Variants in ITGB2 observed in about 807,000 individuals in gnomAD.
ITGB2 encodes integrin beta-2.
In ITGB2, 56 loss-of-function variants were observed where a neutral mutation model predicts 86.8. The ratio of observed to expected loss-of-function variants is 0.65; its 90% CI spans 0.52 to 0.81. The LOEUF is 0.81. Among genes scored for constraint, ITGB2 ranks in the 30% least tolerant of loss-of-function variants. The pLI, the probability that ITGB2 is intolerant of heterozygous loss-of-function variation, is 0.00. For missense variants in ITGB2, 948 were observed against 1,061.2 expected (o/e 0.89, Z 1.48); for synonymous variants, 457 against 450.4 (o/e 1.01, Z -0.19).
intron 1 of ITGB2, among the ~76,000 whole-genome samples, chr21:44,927,451 C>T (rs951179627): frequency 2.0e-5 from 3 of 152,048 alleles, no homozygotes; most frequent in Non-Finnish European, 2.9e-5. Flanking sequence ...AGCACCCCCA[C>T]GAGGACCCTG....
chr21:44,886,524 C>A, intron 15 of ITGB2, 94 bp from the exon 16 acceptor site: 1 of 1,476,720 alleles, frequency 6.8e-7, no homozygotes, highest in Non-Finnish European at 9.5e-7. Context: ...GAAGCCGTCA[C>A]TTTGAGGAAG....
rs201739251 is a variant in ITGB2, at chr21:44,891,842, T to C, written c.1379A>G (p.His460Arg). 5.6e-6 allele frequency: 9 copies of C among 1,609,860 alleles called. No individual in the cohort carries two copies. The highest frequency in any genetic ancestry group is 2.2e-5 in the South Asian group (2 of 91,086). The change falls in exon 11 of 16, where the codon CAT becomes CGT. Residue 460 changes from histidine (H) to arginine (R), a missense_variant. By Grantham distance (29) the His-to-Arg change is conservative. Coordinates refer to ENST00000652462, the MANE Select transcript of ITGB2 (RefSeq NM_000211.5). ...GCCGCACTCCAAGAAGCCCTTGCCA[T>C]GGCAGAGGCTGCGGTCTCTGCTCTG... The part of the protein sequence containing the change: ...RDQSRDRSLC[H>R]GKGFLECGIC...
At chr21:44,925,435 G>T (rs1006127784), upstream of ITGB2, among the ~76,000 whole-genome samples, 1 of 134,494 alleles carries the variant, frequency 7.4e-6, no homozygotes, top group Non-Finnish European at 1.6e-5. Context: ...AAGGAAGGAA[G>T]GAAGGAAGGA....
At chr21:44,909,112 C>T (rs554983262) in intron 3 of ITGB2, among the ~76,000 whole-genome samples, 60 of 152,324 alleles carry the variant, frequency 3.9e-4, no homozygotes, top group East Asian at 5.8e-4. Flanking sequence ...CGGGGACCTC[C>T]GCGGATGCTG....
rs1286471822 is a variant in ITGB2, at chr21:44,888,914, G to C, written c.1878-19C>G. 3.8e-6 allele frequency: 6 copies of C among 1,599,970 alleles called. No individual in the cohort carries two copies. The highest frequency in any genetic ancestry group is 4.2e-6 in the Non-Finnish European group (5 of 1,179,260). ...GCAGGAGCTGCGGGGAGCCAGGTGT[G>C]AGCATCGGTGCCAGGGTGTGCGGGG... On this transcript the variant is annotated intron_variant, in intron 13 of 15. Coordinates refer to ENST00000652462, the MANE Select transcript of ITGB2 (RefSeq NM_000211.5).
chr21:44,916,760 C>T lies in ITGB2; in HGVS notation c.-4+4061G>A, dbSNP rs541774830. 2.0e-4 allele frequency among the ~76,000 whole-genome samples: 31 copies of T among 151,504 alleles called. 1 individual carries two copies. The highest frequency in any genetic ancestry group is 6.1e-4 in the African/African-American group (25 of 41,252). On this transcript the variant is annotated intron_variant, in intron 1 of 15. Coordinates refer to ENST00000652462, the MANE Select transcript of ITGB2 (RefSeq NM_000211.5). ...GCGGGCGCCTGTAATCCCAGCTACT[C>T]GCGAGGCTGAGGCAGGAGAATCACT...
rs530321308 is a variant in ITGB2, at chr21:44,900,962, G to A, written c.742-487C>T. Among the ~76,000 whole-genome samples, 24 of 152,336 alleles carry A rather than the reference G, an allele frequency of 1.6e-4. No homozygotes were observed. The South Asian group carries it at 2.1e-3, about 13-fold the overall frequency. ...TCACACTCGTGAGCAGTGTGTCTGC[G>A]CTGGGACTGCAGGGAAGCAGGAGAG... On this transcript the variant is annotated intron_variant, in intron 6 of 15. Transcript: ENST00000652462.
intron 8 of ITGB2, among the ~76,000 whole-genome samples, chr21:44,896,205 G>A (rs77033838): frequency 0.018 from 2,781 of 152,356 alleles, 43 homozygotes; most frequent in Non-Finnish European, 0.028. Flanking sequence ...GACGTGCATG[G>A]TGGCCAGTGT....
Position 44,918,392 on chromosome 21 carries a change from C to A in ITGB2, c.-4+2429G>T, listed in dbSNP as rs138404384. ...CCCACAGCCCTGGTACCTGGTGGGG[C>A]CCGGCCTGGGCCAGAGTGGACAGAC... On this transcript the variant is annotated intron_variant, in intron 1 of 15. Coordinates refer to ENST00000652462, the MANE Select transcript of ITGB2 (RefSeq NM_000211.5). 6.6e-3 allele frequency among the ~76,000 whole-genome samples: 1,008 copies of A among 152,356 alleles called. 7 individuals are homozygous for A. Among genetic ancestry groups the A allele is most frequent in the African/African-American group, 0.023 (962 of 41,592 alleles).
At position 44,890,028 on chromosome 21, in the gene ITGB2, C is replaced by T; in HGVS notation, c.1607G>A (p.Cys536Tyr). 5 of 1,613,522 alleles carry T rather than the reference C, an allele frequency of 3.1e-6. No homozygotes were observed. Among genetic ancestry groups the T allele is most frequent in the Non-Finnish European group, 4.2e-6 (5 of 1,180,026 alleles). ...GKLIYGQYCE[C>Y]DTINCERYNG... Reference sequence around the variant, plus strand: ...GTAGCGCTCACAGTTGATGGTGTCACACTCGCAGTACTGCCCGTATATCAG... The same window carrying T: ...GTAGCGCTCACAGTTGATGGTGTCATACTCGCAGTACTGCCCGTATATCAG... The change falls in exon 12 of 16, where the codon TGT (cysteine) becomes TAT (tyrosine). Residue 536 changes from cysteine (C) to tyrosine (Y), a missense_variant. By Grantham distance (194) the Cys-to-Tyr change is radical. Transcript: ENST00000652462.
chr21:44,911,752 C>T (rs1186791990), intron 1 of ITGB2, among the ~76,000 whole-genome samples: 1 of 152,346 alleles, frequency 6.6e-6, no homozygotes, highest in African/African-American at 2.4e-5. Context: ...GGCCCTCGGC[C>T]CCAGAGGCAA....
chr21:44,912,790 TGC>T (rs2084153473), intron 1 of ITGB2, among the ~76,000 whole-genome samples: 1 of 109,812 alleles, frequency 9.1e-6, no homozygotes, highest in Admixed American at 8.3e-5. Flanking sequence ...TACCCCAGGG[TGC>T]AGGGTCCAGC....
intron 4 of ITGB2, among the ~76,000 whole-genome samples, chr21:44,906,310 G>A (rs1042892645): frequency 6.6e-6 from 1 of 151,912 alleles, no homozygotes; most frequent in Non-Finnish European, 1.5e-5. Flanking sequence ...TTCTCCTGCC[G>A]CAGCAGGAGA....
At chr21:44,926,931 A>C (rs2084379638) in intron 1 of ITGB2, 1 of 152,248 alleles carries the variant, frequency 6.6e-6, no homozygotes, top group Non-Finnish European at 1.5e-5. Flanking sequence ...TCAGGAGACA[A>C]GCATGTCAGC....
chr21:44,886,786 G>A lies in ITGB2; in HGVS notation c.2197C>T (p.Arg733Trp), dbSNP rs1601277528. Residue 733 changes from arginine to tryptophan, a missense_variant, in exon 15 of 16, where the codon CGG becomes TGG. Arg to Trp is a moderately radical substitution (Grantham distance 101). Coordinates refer to ENST00000652462, the MANE Select transcript of ITGB2 (RefSeq NM_000211.5). ...WKALIHLSDLREYRRFEKEKL... is the reference protein window; with the variant it reads ...WKALIHLSDLWEYRRFEKEKL... ...TCCTTCTCAAAGCGCCTGTACTCCC[G>A]GAGGTCGCTCAGGTGGATCAGAGCC... The A allele has an allele frequency of 1.9e-6, 3 of 1,614,036 alleles. No individual in the cohort carries two copies. The highest frequency in any genetic ancestry group is 1.3e-5 in the African/African-American group (1 of 75,028).
Position 44,915,109 on chromosome 21 carries a change from C to T in ITGB2, c.-3-4324G>A, listed in dbSNP as rs182578344. ...CGCGATCTCAGCTCACTGCAAGCTC[C>T]GCCTCCCAGGTTCATGCCATTCTCC... On this transcript the variant is annotated intron_variant, in intron 1 of 15. Coordinates refer to ENST00000652462, the MANE Select transcript of ITGB2 (RefSeq NM_000211.5). Among the ~76,000 whole-genome samples, 1,145 of 152,184 alleles carry T rather than the reference C, an allele frequency of 7.5e-3. 16 individuals carry two copies. Among genetic ancestry groups the T allele is most frequent in the African/African-American group, 0.026 (1,074 of 41,494 alleles).
In ITGB2 at chr21:44,893,333, C is replaced by A. The variant is rs944949322; in HGVS notation, c.1224+71G>T. On this transcript the variant is annotated intron_variant, in intron 10 of 15. Coordinates refer to ENST00000652462, the MANE Select transcript of ITGB2 (RefSeq NM_000211.5). Reference sequence around the variant, plus strand: ...ACCCCTCAGTGTGCTGGGATGGGGACCCTGGCTCCTTCTGGCTGTCCCCAG... The same window carrying A: ...ACCCCTCAGTGTGCTGGGATGGGGAACCTGGCTCCTTCTGGCTGTCCCCAG... 1.9e-6 allele frequency: 3 copies of A among 1,587,876 alleles called. No individual in the cohort carries two copies. The African/African-American group carries it at 4.0e-5, about 21-fold the overall frequency.
At chr21:44,907,162 A>G (rs2084057110) in intron 3 of ITGB2, 67 bp from the exon 4 acceptor site, 1 of 1,285,032 alleles carries the variant, frequency 7.8e-7, no homozygotes, top group Non-Finnish European at 1.1e-6. Context: ...CTGACTGGCC[A>G]TGGAGGACTG....
upstream of ITGB2, among the ~76,000 whole-genome samples, chr21:44,925,711 T>A (rs2084364675): frequency 6.6e-6 from 1 of 152,124 alleles, no homozygotes; most frequent in South Asian, 2.1e-4. Flanking sequence ...TGAGAACTTG[T>A]AAGAGAAAAG....
Sources: allele counts gnomAD v4.1 joint callset (sites outside exome capture counted in the v4.1 genomes callset), GRCh38; gene constraint gnomAD v4.1.1; transcripts MANE v1.5; gene names NCBI Gene and HGNC (gene_info 2026-07-23, HGNC 2026-07-21).